Variants in KDR observed in about 807,000 individuals in gnomAD.
KDR encodes vascular endothelial growth factor receptor 2.
A neutral mutation model predicts 160.9 loss-of-function variants in KDR; 43 were observed. The ratio of observed to expected loss-of-function variants is 0.27; its 90% confidence interval spans 0.21 to 0.34. The LOEUF (loss-of-function observed/expected upper bound fraction) is 0.34. KDR is among the 10% of genes least tolerant of loss of function. The probability of loss-of-function intolerance (pLI) is 1.00; values close to 1 mark genes in which losing one functional copy is unlikely to be tolerated. For missense variants in KDR, 1,469 were observed against 1,666.4 expected (o/e 0.88, Z 2.06); for synonymous variants, 617 against 600.1 (o/e 1.03, Z -0.41).
chr4:55,106,527 G>A (rs908429501), intron 11 of KDR, among the ~76,000 whole-genome samples, 160 bp downstream of exon 11: 1 of 152,084 alleles, frequency 6.6e-6, no homozygotes, highest in Non-Finnish European at 1.5e-5. Flanking sequence ...ATAAGTTAAT[G>A]GTACTGCTAA....
At position 55,088,933 on chromosome 4, in the gene KDR, G is replaced by C. The variant is rs376432705; in HGVS notation, c.3445C>G (p.Gln1149Glu). 214 of 1,614,032 alleles carry C rather than the reference G, an allele frequency of 1.3e-4. No individual in the cohort carries two copies. Among genetic ancestry groups the C allele is most frequent in the Non-Finnish European group, 1.7e-4 (206 of 1,179,998 alleles). The change falls in exon 26 of 30, where the codon CAG becomes GAG. Residue 1149 changes from glutamine to glutamate, a missense_variant. This residue lies in a region of KDR where 132 missense variants were observed against 195.9 expected (regional missense o/e 0.67). Coordinates refer to ENST00000263923, the MANE Select transcript of KDR (RefSeq NM_002253.4). The stretch of plus-strand genomic sequence containing the variant: ...ACCAACTCTGAAAACGTGGGTCTCT[G>C]ACTGGGCTCCCCGTGCCAGCAGTCC... Reference protein sequence around the residue: ...MLDCWHGEPSQRPTFSELVEH... With the variant: ...MLDCWHGEPSERPTFSELVEH...
At position 55,105,924 on chromosome 4, in the gene KDR, A is replaced by T. The variant is rs760319455; in HGVS notation, c.1553T>A (p.Val518Asp). Residue 518 changes from valine (V) to aspartate (D), a missense_variant, in exon 12 of 30, where the codon GTT (valine) becomes GAT (aspartate). Around this residue, in one of 7 missense-constraint regions of KDR, gnomAD observed 792 missense variants for 840.9 expected, o/e 0.94. Transcript: ENST00000263923. ...AGCTGACACATTTGCCGCTTGGATA[A>T]CAAGGGTACTTACAGTCTGTGCGGG... ...EGKNKTVSTL[V>D]IQAANVSALY... 3.7e-6 allele frequency: 6 copies of T among 1,612,584 alleles called. No homozygotes were observed. The African/African-American group carries it at 8.0e-5, about 22-fold the overall frequency.
intron 16 of KDR, 136 bp downstream of exon 16, chr4:55,098,561 G>T: frequency 1.3e-6 from 1 of 767,978 alleles, no homozygotes; most frequent in Non-Finnish European, 2.3e-6. Context: ...AAGTGGGCAG[G>T]AACGTTATTG....
intron 24 of KDR, 63 bp from the exon 25 acceptor site, chr4:55,089,536 C>T: frequency 2.8e-6 from 4 of 1,433,696 alleles, no homozygotes; most frequent in Non-Finnish European, 3.9e-6. Flanking sequence ...AACCCTGAGC[C>T]TGAATCTTGC....
At chr4:55,082,956 C>T (rs371121434) in intron 27 of KDR, among the ~76,000 whole-genome samples, 3 of 152,164 alleles carry the variant, frequency 2.0e-5, no homozygotes, top group African/African-American at 7.2e-5. Context: ...TTCCTGATTG[C>T]ATGGGATTCC....
At chr4:55,085,372 C>T (rs1719836741) in intron 27 of KDR, among the ~76,000 whole-genome samples, 1 of 152,172 alleles carries the variant, frequency 6.6e-6, no homozygotes, top group South Asian at 2.1e-4. Flanking sequence ...CTAGCTCCCA[C>T]AGTGATATCT....
chr4:55,125,302 T>A lies in KDR; in HGVS notation c.-9A>T, dbSNP rs2110039347. The A allele has an allele frequency of 6.2e-7, 1 of 1,609,806 alleles. No homozygotes were observed. The highest frequency in any genetic ancestry group is 8.5e-7 in the Non-Finnish European group (1 of 1,178,560). Reference sequence around the variant, plus strand: ...AGCACCTTGCTCTGCATCCTGCACCTCGAGCCGGGCGAAATGCCCAGAACT... The same window carrying A: ...AGCACCTTGCTCTGCATCCTGCACCACGAGCCGGGCGAAATGCCCAGAACT... On this transcript the variant is annotated 5_prime_UTR_variant, in exon 1 of 30. Transcript: ENST00000263923.
intron 2 of KDR, among the ~76,000 whole-genome samples, chr4:55,120,186 A>G (rs1325083433): frequency 1.3e-5 from 2 of 152,192 alleles, no homozygotes; most frequent in Admixed American, 6.5e-5. Flanking sequence ...AAATAGATGT[A>G]TGTCATTCGG....
At chr4:55,114,324 C>T (rs917033913) in intron 5 of KDR, 59 bp from the exon 6 acceptor site, 1 of 1,563,520 alleles carries the variant, frequency 6.4e-7, no homozygotes, top group Non-Finnish European at 8.8e-7. Context: ...TATAACTTTG[C>T]ACAGATTTAT....
chr4:55,088,869 T>C lies in KDR; in HGVS notation c.3509A>G (p.Gln1170Arg), dbSNP rs1719935625. The C allele has an allele frequency of 6.2e-7, 1 of 1,611,746 alleles. No individual in the cohort carries two copies. Among genetic ancestry groups the C allele is most frequent in the Non-Finnish European group, 8.5e-7 (1 of 1,177,910 alleles). ...LGNLLQANAQQDGKDYIVLPI... is the reference protein window; with the variant it reads ...LGNLLQANAQRDGKDYIVLPI... ...GCTTCTTGGATGGAGGTGACAAACC[T>C]GCTGAGCATTAGCTTGCAAGAGATT... The change falls in exon 26 of 30, where the codon CAG becomes CGG. Residue 1170 changes from glutamine (Q) to arginine (R), a missense_variant and splice_region_variant. Transcript: ENST00000263923.
intron 27 of KDR, among the ~76,000 whole-genome samples, chr4:55,085,939 G>A (rs1391718107): frequency 6.6e-6 from 1 of 152,212 alleles, no homozygotes; most frequent in African/African-American, 2.4e-5. Context: ...TGAGCCAGGA[G>A]GCTGCCGACT....
chr4:55,119,137 A>T (rs940432118), intron 2 of KDR, among the ~76,000 whole-genome samples: 4 of 151,672 alleles, frequency 2.6e-5, no homozygotes, highest in Non-Finnish European at 5.9e-5. Context: ...TGAACCCGGG[A>T]GGTGGAGGTT....
chr4:55,078,607 T>C lies in KDR; in HGVS notation c.*1334A>G, dbSNP rs1302513622. 1 of 232,626 alleles carries C rather than the reference T, an allele frequency of 4.3e-6. No individual in the cohort carries two copies. Among genetic ancestry groups the C allele is most frequent in the Admixed American group, 5.6e-5 (1 of 17,770 alleles). 14.4% of individuals were successfully genotyped at this position (232,626 alleles called of 1,614,324 possible). Reference sequence around the variant, plus strand: ...AAGTTCATTATATATAAGGCTTTAATATATTACATTTGTTTCTACATAAAC... The same window carrying C: ...AAGTTCATTATATATAAGGCTTTAACATATTACATTTGTTTCTACATAAAC... On this transcript the variant is annotated 3_prime_UTR_variant, in exon 30 of 30. Transcript: ENST00000263923.
chr4:55,108,896 G>A (rs1720506412), intron 9 of KDR, among the ~76,000 whole-genome samples: 1 of 151,862 alleles, frequency 6.6e-6, no homozygotes, highest in South Asian at 2.1e-4. Context: ...ATTTCATATA[G>A]CAGAGAATTT....
chr4:55,100,407 G>A (rs888181755), intron 15 of KDR, among the ~76,000 whole-genome samples: 9 of 151,948 alleles, frequency 5.9e-5, no homozygotes, highest in African/African-American at 9.7e-5. Context: ...TAATATTCTC[G>A]CATAACATTT....
chr4:55,116,795 A>G (rs1720746412), intron 3 of KDR, among the ~76,000 whole-genome samples: 1 of 152,174 alleles, frequency 6.6e-6, no homozygotes, highest in Non-Finnish European at 1.5e-5. Flanking sequence ...GGCTCCATCC[A>G]TTGCTGAAGA....
chr4:55,103,088 G>A (rs552592026), intron 13 of KDR, among the ~76,000 whole-genome samples: 5 of 152,130 alleles, frequency 3.3e-5, no homozygotes, highest in Non-Finnish European at 5.9e-5. Context: ...CAGTTGAACT[G>A]TTTACAGAAT....
At chr4:55,115,245 A>G in intron 4 of KDR, 36 bp downstream of exon 4, 2 of 1,573,006 alleles carry the variant, frequency 1.3e-6, no homozygotes, top group Non-Finnish European at 1.7e-6. Context: ...TAAAATTATA[A>G]AAACTTAAGA....
At chr4:55,107,619 C>G (rs761430691) in intron 10 of KDR, 118 bp downstream of exon 10, 20 of 1,215,580 alleles carry the variant, frequency 1.6e-5, no homozygotes, top group Non-Finnish European at 2.4e-5. Context: ...TTCAGGCTAC[C>G]TCTTGAGAGA....
Sources: allele counts gnomAD v4.1 joint callset (sites outside exome capture counted in the v4.1 genomes callset), GRCh38; gene constraint gnomAD v4.1.1; regional missense constraint gnomAD v4.1.1; transcripts MANE v1.5; gene names NCBI Gene and HGNC (gene_info 2026-07-23, HGNC 2026-07-21).